HHIP: variants seen among roughly 807,000 people sequenced by gnomAD.
HHIP encodes the protein hedgehog-interacting protein.
In HHIP, 12 loss-of-function variants were observed where a neutral mutation model predicts 74.0. The observed-to-expected ratio is 0.16, with a 90% CI of 0.10 to 0.26. HHIP has a LOEUF of 0.26. Among genes scored for constraint, HHIP ranks in the 10% least tolerant of loss-of-function variants. HHIP has a pLI of 1.00. For synonymous variants in HHIP, 309 were observed against 311.6 expected, an observed-to-expected ratio of 0.99 and a Z score of 0.09; for missense variants, 788 against 845.0, an observed-to-expected ratio of 0.93 and a Z score of 0.84.
intron 12 of HHIP, among the ~76,000 whole-genome samples, chr4:144,737,144 G>A (rs1400460382): frequency 6.6e-6 from 1 of 152,150 alleles, no homozygotes; most frequent in African/African-American, 2.4e-5. Context: ...CCCTGAAAAG[G>A]TTTGCTCAGA....
chr4:144,697,585 C>A (rs917317488), intron 4 of HHIP, among the ~76,000 whole-genome samples: 2 of 152,008 alleles, frequency 1.3e-5, no homozygotes, highest in Non-Finnish European at 2.9e-5. Context: ...ACAAGTCAAT[C>A]CAATCTCTAA....
chr4:144,652,623 A>G lies in HHIP; in HGVS notation c.298A>G (p.Asn100Asp). The change falls in exon 2 of 13, where the codon AAC (asparagine) becomes GAC (aspartate). Residue 100 changes from asparagine (N) to aspartate (D), a missense_variant. By Grantham distance (23) the Asn-to-Asp change is conservative (BLOSUM62 1). This residue lies in a region of HHIP where 373 missense variants were observed against 366.4 expected (regional missense o/e 1.02). Coordinates refer to ENST00000296575, the MANE Select transcript of HHIP (RefSeq NM_022475.3). ...CTTTCAGATATTTTCTGTTACCAACAACACAGAATGTGGGAAGTTACTGGA... is the reference window on the plus strand; with the variant it reads ...CTTTCAGATATTTTCTGTTACCAACGACACAGAATGTGGGAAGTTACTGGA... ...LENKIFSVTN[N>D]TECGKLLEEI... 6.2e-7 allele frequency: 1 copy of G among 1,606,132 alleles called. No homozygotes were observed. The highest frequency in any genetic ancestry group is 8.5e-7 in the Non-Finnish European group (1 of 1,176,402).
intron 2 of HHIP, among the ~76,000 whole-genome samples, chr4:144,656,090 G>A (rs1235005769): frequency 6.6e-6 from 1 of 152,136 alleles, no homozygotes; most frequent in African/African-American, 2.4e-5. Flanking sequence ...ACAAAAGGGA[G>A]CCCTGGCAAT....
intron 4 of HHIP, among the ~76,000 whole-genome samples, chr4:144,683,100 T>C (rs949730868): frequency 7.2e-5 from 11 of 152,190 alleles, no homozygotes; most frequent in African/African-American, 2.7e-4. Flanking sequence ...AAAGCTCCAT[T>C]GTCAGGTCAT....
intron 4 of HHIP, among the ~76,000 whole-genome samples, chr4:144,668,270 T>TCGCGC (rs1367993475): frequency 3.2e-4 from 49 of 151,058 alleles, no homozygotes; most frequent in Admixed American, 2.0e-4. Flanking sequence ...TGAGCCGAGA[T>TCGCGC]CGCGCCACGC....
In HHIP at chr4:144,734,772, G is replaced by A; in HGVS notation, c.1792G>A (p.Val598Ile). 6.2e-7 allele frequency: 1 copy of A among 1,605,212 alleles called. No homozygotes were observed. The highest frequency in any genetic ancestry group is 8.5e-7 in the Non-Finnish European group (1 of 1,173,320). ...AATGCCTGAGGAATGCAGAGCCACG[G>A]TACAACCTGCACAGACACTGACTTC... ...PLMPEECRAT[V>I]QPAQTLTSEC... The change falls in exon 12 of 13, where the codon GTA (valine) becomes ATA (isoleucine). Residue 598 changes from valine (V) to isoleucine (I), a missense_variant. Coordinates refer to ENST00000296575, the MANE Select transcript of HHIP (RefSeq NM_022475.3).
Position 144,737,892 on chromosome 4 carries a change from G to C in HHIP, c.2038G>C (p.Gly680Arg). 1 of 1,613,440 alleles carries C rather than the reference G, an allele frequency of 6.2e-7. No individual in the cohort carries two copies. Among genetic ancestry groups the C allele is most frequent in the Non-Finnish European group, 8.5e-7 (1 of 1,179,592 alleles). ...DRNIRRVTRA[G>R]ILDQIIDMTS... ...AAACATCCGCAGAGTGACCAGGGCA[G>C]GTATTCTTGATCAGATCATTGACAT... Residue 680 changes from glycine to arginine, a missense_variant, in exon 13 of 13, where the codon GGT becomes CGT. Around this residue, in one of 3 missense-constraint regions of HHIP, gnomAD observed 343 missense variants for 347.9 expected, o/e 0.99. Transcript: ENST00000296575.
intron 4 of HHIP, among the ~76,000 whole-genome samples, chr4:144,699,383 C>G (rs1035541738): frequency 6.6e-6 from 1 of 152,094 alleles, no homozygotes; most frequent in African/African-American, 2.4e-5. Context: ...TACAGAGCTC[C>G]CCTGCCCTCT....
chr4:144,660,095 G>A (rs1182470653), intron 4 of HHIP: 3 of 530,854 alleles, frequency 5.7e-6, no homozygotes, highest in African/African-American at 1.9e-5. Context: ...CACATTTAAA[G>A]GAATCTTTGG....
At chr4:144,667,886 G>T (rs1728920686) in intron 4 of HHIP, among the ~76,000 whole-genome samples, 1 of 152,138 alleles carries the variant, frequency 6.6e-6, no homozygotes, top group South Asian at 2.1e-4. Context: ...TTGCCCACTA[G>T]CAACTATGGC....
In HHIP at chr4:144,658,885, G is replaced by C; in HGVS notation, c.568G>C (p.Gly190Arg). 6.2e-7 allele frequency: 1 copy of C among 1,613,474 alleles called. No homozygotes were observed. The highest frequency in any genetic ancestry group is 8.5e-7 in the Non-Finnish European group (1 of 1,179,548). The change falls in exon 3 of 13, where the codon GGA becomes CGA. Residue 190 changes from glycine to arginine, a missense_variant. Physicochemically the swap from Gly to Arg is moderately radical, Grantham distance 125 (BLOSUM62 -2). Around this residue, in one of 3 missense-constraint regions of HHIP, gnomAD observed 373 missense variants for 366.4 expected, o/e 1.02. Coordinates refer to ENST00000296575, the MANE Select transcript of HHIP (RefSeq NM_022475.3). ...AGATTTTCCAAGAAAACAAGTCAGA[G>C]GACCAGCATCTAACTACTTGGACCA... ...FPDFPRKQVR[G>R]PASNYLDQME...
chr4:144,734,155 T>C (rs1731042102), intron 11 of HHIP, among the ~76,000 whole-genome samples: 1 of 151,676 alleles, frequency 6.6e-6, no homozygotes, highest in Non-Finnish European at 1.5e-5. Context: ...TATACACACA[T>C]ATATTATGGT....
chr4:144,680,729 G>A (rs1729312049), intron 4 of HHIP, among the ~76,000 whole-genome samples: 1 of 152,176 alleles, frequency 6.6e-6, no homozygotes, highest in Admixed American at 6.5e-5. Context: ...ATTTTTACAT[G>A]TTGATGGATT....
At chr4:144,706,405 G>C in intron 4 of HHIP, 126 bp from the exon 5 acceptor site, 3 of 729,942 alleles carry the variant, frequency 4.1e-6, no homozygotes, top group Non-Finnish European at 6.5e-6. Flanking sequence ...AGGCAAGGAA[G>C]AAAAGAAAGG....
At chr4:144,670,764 GAAAAA>G (rs1167213848) in intron 4 of HHIP, among the ~76,000 whole-genome samples, 5 of 54,888 alleles carry the variant, frequency 9.1e-5, no homozygotes, top group African/African-American at 2.2e-4. Flanking sequence ...CTTAAGATTT[GAAAAA>G]AAAAAAAAAA....
intron 11 of HHIP, among the ~76,000 whole-genome samples, chr4:144,734,529 G>A (rs1015881692): frequency 4.6e-5 from 7 of 151,476 alleles, no homozygotes; most frequent in African/African-American, 1.7e-4. Context: ...TGTTTAATGT[G>A]TTTAGTTGGG....
chr4:144,699,844 A>G (rs977294986), intron 4 of HHIP, among the ~76,000 whole-genome samples: 1 of 151,982 alleles, frequency 6.6e-6, no homozygotes, highest in Non-Finnish European at 1.5e-5. Flanking sequence ...CTGTTCTGAG[A>G]CCAATTTAGA....
At chr4:144,659,207 T>G (rs1260735853) in intron 3 of HHIP, among the ~76,000 whole-genome samples, 3 of 152,260 alleles carry the variant, frequency 2.0e-5, no homozygotes, top group Non-Finnish European at 4.4e-5. Flanking sequence ...GCCTGAATTT[T>G]ATGATTGTTG....
intron 4 of HHIP, among the ~76,000 whole-genome samples, chr4:144,694,274 G>A (rs1729754753): frequency 6.6e-6 from 1 of 151,438 alleles, no homozygotes; most frequent in African/African-American, 2.4e-5. Flanking sequence ...GAAGTCACAT[G>A]GAGGAAACCT....
Sources: gnomAD v4.1 joint callset for allele counts (sites outside exome capture counted in the v4.1 genomes callset) on GRCh38, gnomAD v4.1.1 for gene constraint, gnomAD v4.1.1 regional missense constraint, MANE v1.5 for transcripts, NCBI Gene and HGNC (gene_info 2026-07-23, HGNC 2026-07-21) for gene names.